Variants in ENOX1 observed in about 807,000 individuals in gnomAD.
The protein encoded by ENOX1 is candidate growth-related and time keeping constitutive hydroquinone (NADH) oxidase.
In ENOX1, 42 loss-of-function variants were observed where a neutral mutation model predicts 82.5. The ratio of observed to expected loss-of-function variants is 0.51; its 90% CI spans 0.40 to 0.66. The LOEUF (loss-of-function observed/expected upper bound fraction) is 0.66, where lower values mean the gene tolerates loss of function less well. Ranked by LOEUF, ENOX1 falls within the 30% of genes least tolerant of loss-of-function variation. The pLI is 0.00. For missense variants in ENOX1, 608 were observed against 811.6 expected, an observed-to-expected ratio of 0.75 and a Z score of 3.05; for synonymous variants, 271 against 282.2, an observed-to-expected ratio of 0.96 and a Z score of 0.40.
chr13:43,358,134 A>G (rs1188575476), intron 7 of ENOX1, among the ~76,000 whole-genome samples: 1 of 152,148 alleles, frequency 6.6e-6, no homozygotes, highest in Non-Finnish European at 1.5e-5. Flanking sequence ...ATCAAGGAGC[A>G]CCTTTCATAT....
intron 1 of ENOX1, among the ~76,000 whole-genome samples, chr13:43,681,904 C>T (rs1165039496): frequency 2.6e-5 from 4 of 152,020 alleles, no homozygotes; most frequent in East Asian, 1.9e-4. Context: ...ATTTCTAACC[C>T]CACTGCCTGC....
intron 5 of ENOX1, among the ~76,000 whole-genome samples, chr13:43,382,157 C>T (rs185663396): frequency 1.3e-5 from 2 of 152,174 alleles, no homozygotes; most frequent in South Asian, 2.1e-4. Flanking sequence ...AATAATACAT[C>T]ATGACTGAGT....
At position 43,464,447 on chromosome 13, in the gene ENOX1, A is replaced by T. The variant is rs576972118; in HGVS notation, c.-75+19562T>A. Among the ~76,000 whole-genome samples, 10 of 152,212 alleles carry T rather than the reference A, an allele frequency of 6.6e-5. No individual in the cohort carries two copies. The South Asian group carries it at 1.9e-3, about 28-fold the overall frequency. ...TGGGGACCTGGGGAAGGAGGGAGGC[A>T]GCCTGGAAGGGAGTGAGGAGTGAGA... On this transcript the variant is annotated intron_variant, in intron 3 of 16. Coordinates refer to ENST00000690772, the MANE Select transcript of ENOX1 (RefSeq NM_001347969.2).
intron 11 of ENOX1, among the ~76,000 whole-genome samples, chr13:43,307,243 T>A (rs1440998789): frequency 2.0e-5 from 3 of 152,152 alleles, no homozygotes. Flanking sequence ...ATAGAAAGTA[T>A]CTGCATCCTC....
chr13:43,595,562 A>G (rs2081431787), intron 2 of ENOX1, among the ~76,000 whole-genome samples: 2 of 152,204 alleles, frequency 1.3e-5, no homozygotes, highest in African/African-American at 4.8e-5. Context: ...TGCTCTTTTA[A>G]CATGTATCAT....
intron 3 of ENOX1, among the ~76,000 whole-genome samples, chr13:43,468,564 A>C (rs1430045434): frequency 1.3e-5 from 2 of 151,192 alleles, no homozygotes; most frequent in Non-Finnish European, 2.9e-5. Context: ...CAGAATCAGG[A>C]GGATAGCTTG....
intron 2 of ENOX1, among the ~76,000 whole-genome samples, chr13:43,642,763 G>A (rs1444908683): frequency 6.6e-6 from 1 of 152,220 alleles, no homozygotes; most frequent in South Asian, 2.1e-4. Context: ...ACAGCTTTGT[G>A]TAGACAACGT....
chr13:43,366,594 C>T (rs1044042555), intron 5 of ENOX1, among the ~76,000 whole-genome samples: 6 of 152,084 alleles, frequency 3.9e-5, no homozygotes, highest in African/African-American at 1.2e-4. Flanking sequence ...GGCTTTTTAA[C>T]CTCTCTGGGC....
chr13:43,681,987 G>A (rs2085811780), intron 1 of ENOX1, among the ~76,000 whole-genome samples: 1 of 151,828 alleles, frequency 6.6e-6, no homozygotes, highest in African/African-American at 2.4e-5. Flanking sequence ...TCAGGTATAC[G>A]GCCTCCTAAA....
rs1371417655 is a variant in ENOX1 at position 43,693,701 on chromosome 13, G to A, written c.-284-26157C>T. On this transcript the variant is annotated intron_variant, in intron 1 of 16. Coordinates refer to ENST00000690772, the MANE Select transcript of ENOX1 (RefSeq NM_001347969.2). Reference sequence around the variant, plus strand: ...TGGCCTTTCAGCTCTAAGGATAAACGCATGCACAGGTTACCAGGACATGTT... The same window carrying A: ...TGGCCTTTCAGCTCTAAGGATAAACACATGCACAGGTTACCAGGACATGTT... 2.6e-5 allele frequency among the ~76,000 whole-genome samples: 4 copies of A among 152,064 alleles called. No individual in the cohort carries two copies. The East Asian group carries it at 5.8e-4, about 22-fold the overall frequency.
chr13:43,759,325 T>C (rs941016668), intron 1 of ENOX1, among the ~76,000 whole-genome samples: 1 of 152,144 alleles, frequency 6.6e-6, no homozygotes, highest in Admixed American at 6.6e-5. Flanking sequence ...CTCAAACTCC[T>C]GACCTCAAGT....
chr13:43,237,971 C>G lies in ENOX1; in HGVS notation c.1612-1233G>C, dbSNP rs143470056. Among the ~76,000 whole-genome samples, 19 of 152,326 alleles carry G rather than the reference C, an allele frequency of 1.2e-4. No homozygotes were observed. In the East Asian group the frequency reaches 3.3e-3, roughly 26 times the overall value. ...TCTGATAAGCATTTTAGAGGCTCCA[C>G]TTAAGGTCCCACTTATTTGCTGAAG... On this transcript the variant is annotated intron_variant, in intron 14 of 16. Transcript: ENST00000690772.
chr13:43,574,431 G>T (rs2080324841), intron 2 of ENOX1, among the ~76,000 whole-genome samples: 1 of 152,066 alleles, frequency 6.6e-6, no homozygotes, highest in African/African-American at 2.4e-5. Context: ...GCACTCAATG[G>T]CGTATACCCA....
At chr13:43,502,699 C>A (rs1414865763) in intron 2 of ENOX1, among the ~76,000 whole-genome samples, 4 of 151,458 alleles carry the variant, frequency 2.6e-5, no homozygotes, top group Non-Finnish European at 5.9e-5. Flanking sequence ...AAAGAAGAAA[C>A]TTACCTTAAC....
At chr13:43,295,167 G>A (rs1401848541) in intron 12 of ENOX1, among the ~76,000 whole-genome samples, 2 of 152,128 alleles carry the variant, frequency 1.3e-5, no homozygotes, top group African/African-American at 4.8e-5. Flanking sequence ...AAAAATAAGA[G>A]TTTAAAATAT....
intron 2 of ENOX1, among the ~76,000 whole-genome samples, chr13:43,489,011 A>C (rs1169139480): frequency 1.3e-5 from 2 of 152,198 alleles, no homozygotes; most frequent in Non-Finnish European, 1.5e-5. Flanking sequence ...TGGAGAATAA[A>C]AATTAAGTGC....
In ENOX1 at chr13:43,540,926, T is replaced by C. The variant is rs181670162; in HGVS notation, c.-218-56774A>G. 1.6e-3 allele frequency among the ~76,000 whole-genome samples: 246 copies of C among 152,230 alleles called. 3 individuals carry two copies. Among genetic ancestry groups the C allele is most frequent in the Non-Finnish European group, 1.2e-3 (82 of 68,010 alleles). On this transcript the variant is annotated intron_variant, in intron 2 of 16. Coordinates refer to ENST00000690772, the MANE Select transcript of ENOX1 (RefSeq NM_001347969.2). Reference sequence around the variant, plus strand: ...ATCAACAGCACATAAGAATCTCATGTGGGGAATAAGAGACAGGGTGATGTC... The same window carrying C: ...ATCAACAGCACATAAGAATCTCATGCGGGGAATAAGAGACAGGGTGATGTC...
At chr13:43,380,619 T>C (rs1028438184) in intron 5 of ENOX1, among the ~76,000 whole-genome samples, 2 of 151,710 alleles carry the variant, frequency 1.3e-5, no homozygotes, top group African/African-American at 2.4e-5. Context: ...ATCAATCCAA[T>C]ATATCAGATT....
intron 2 of ENOX1, among the ~76,000 whole-genome samples, chr13:43,626,222 C>A (rs1354912488): frequency 1.3e-5 from 2 of 151,662 alleles, no homozygotes; most frequent in African/African-American, 4.8e-5. Context: ...ATTTATGTAT[C>A]CTCCCTTTTT....
Sources: gnomAD v4.1 joint callset for allele counts (sites outside exome capture counted in the v4.1 genomes callset) on GRCh38, gnomAD v4.1.1 for gene constraint, MANE v1.5 for transcripts, NCBI Gene and HGNC (gene_info 2026-07-23, HGNC 2026-07-21) for gene names.